PCDHA1: variants seen among roughly 807,000 people sequenced by gnomAD.
PCDHA1 encodes protocadherin alpha 1.
A neutral mutation model predicts 61.3 loss-of-function variants in PCDHA1; 42 were observed. The ratio of observed to expected loss-of-function variants is 0.69; its 90% CI spans 0.54 to 0.89. The LOEUF (loss-of-function observed/expected upper bound fraction) is 0.89. Among genes scored for constraint, PCDHA1 ranks in the 40% least tolerant of loss-of-function variants. PCDHA1 has a pLI of 0.00. For synonymous variants in PCDHA1, 610 were observed against 553.8 expected, an observed-to-expected ratio of 1.10 and a Z score of -1.43; for missense variants, 1,256 against 1,235.3, an observed-to-expected ratio of 1.02 and a Z score of -0.25.
intron 1 of PCDHA1, among the ~76,000 whole-genome samples, chr5:140,833,519 A>G (rs1287157587): frequency 6.6e-6 from 1 of 152,228 alleles, no homozygotes; most frequent in African/African-American, 2.4e-5. Flanking sequence ...GCATATATTC[A>G]TAACACACAA....
At chr5:140,802,997 C>T (rs781934902) in intron 1 of PCDHA1, 3 of 1,613,922 alleles carry the variant, frequency 1.9e-6, no homozygotes, top group African/African-American at 1.3e-5. Context: ...TGGATGCAGA[C>T]TCAGGCTACA....
chr5:140,856,871 G>T, intron 1 of PCDHA1: 1 of 1,595,048 alleles, frequency 6.3e-7, no homozygotes, highest in Non-Finnish European at 8.6e-7. Flanking sequence ...AATAAACAAG[G>T]AAATGATGTA....
intron 1 of PCDHA1, chr5:140,927,432 C>T: frequency 5.6e-6 from 9 of 1,614,124 alleles, no homozygotes; most frequent in Non-Finnish European, 5.9e-6. Flanking sequence ...TTGACGGCAG[C>T]GAATACCCGG....
Position 140,788,065 on chromosome 5 carries a change from C to G in PCDHA1, c.1775C>G (p.Ala592Gly), listed in dbSNP as rs190769137. 5 of 1,613,944 alleles carry G rather than the reference C, an allele frequency of 3.1e-6. No homozygotes were observed. The East Asian group carries it at 8.9e-5, about 29-fold the overall frequency. The change falls in exon 1 of 4, where the codon GCG becomes GGG. Residue 592 changes from alanine (A) to glycine (G), a missense_variant. Transcript: ENST00000504120. ...TTGGTGGGTGCGGGTCATGTGGTGG[C>G]GAAGGTGCGCGCAGTGGACGCCGAC... ...PRLVGAGHVV[A>G]KVRAVDADSG...
chr5:140,788,346 G>A lies in PCDHA1; in HGVS notation c.2056G>A (p.Val686Ile). The A allele has an allele frequency of 1.2e-6, 2 of 1,613,996 alleles. No homozygotes were observed. Among genetic ancestry groups the A allele is most frequent in the Non-Finnish European group, 1.7e-6 (2 of 1,179,966 alleles). The change falls in exon 1 of 4, where the codon GTC (valine) becomes ATC (isoleucine). Residue 686 changes from valine (V) to isoleucine (I), a missense_variant. Coordinates refer to ENST00000504120, the MANE Select transcript of PCDHA1 (RefSeq NM_018900.4). ...GGCGTCTTCGCGGGCGTCGGTGGGT[G>A]TCGCGGGCCCAGAGGCGGCGCTGGT... ...PKASSRASVG[V>I]AGPEAALVDV...
intron 1 of PCDHA1, chr5:140,862,359 CG>C: frequency 3.0e-6 from 1 of 337,856 alleles, no homozygotes; most frequent in Non-Finnish European, 5.8e-6. Flanking sequence ...AAGGGACAGA[CG>C]ACCCGCACCC....
In PCDHA1 at chr5:140,787,284, A is replaced by T. The variant is rs781916702; in HGVS notation, c.994A>T (p.Asn332Tyr). 6.2e-7 allele frequency: 1 copy of T among 1,614,230 alleles called. No individual in the cohort carries two copies. The highest frequency in any genetic ancestry group is 8.5e-7 in the Non-Finnish European group (1 of 1,180,046). The change falls in exon 1 of 4, where the codon AAT (asparagine) becomes TAT (tyrosine). Residue 332 changes from asparagine (N) to tyrosine (Y), a missense_variant. Asn to Tyr is a moderately radical substitution (Grantham distance 143, BLOSUM62 -2). Coordinates refer to ENST00000504120, the MANE Select transcript of PCDHA1 (RefSeq NM_018900.4). The stretch of plus-strand genomic sequence containing the variant: ...TGATAAAGGAAGTCCTCCGATGTCA[A>T]ATCACTGTAAGGTTTTGGTGAAAGT... ...AVDKGSPPMSNHCKVLVKVLD... is the reference protein window; with the variant it reads ...AVDKGSPPMSYHCKVLVKVLD...
Position 141,000,395 on chromosome 5 carries a change from C to CTA in PCDHA1, c.2543-9206_2543-9205dup, listed in dbSNP as rs1190667031. 1.6e-3 allele frequency among the ~76,000 whole-genome samples: 89 copies of CTA among 53,960 alleles called. 3 individuals carry two copies. Among genetic ancestry groups the CTA allele is most frequent in the Non-Finnish European group, 2.3e-3 (71 of 31,108 alleles). 35.4% of individuals were successfully genotyped at this position (53,960 alleles called of 152,430 possible). A position where few individuals can be genotyped will look rare whatever the true frequency, so the allele number is the denominator to read the frequency against. ...TCTCTCTCTCTCTCTCTCTCTCTCT[C>CTA]TATATATATATATATATATATATAT... On this transcript the variant is annotated intron_variant, in intron 3 of 3. Coordinates refer to ENST00000504120, the MANE Select transcript of PCDHA1 (RefSeq NM_018900.4).
intron 1 of PCDHA1, chr5:140,835,770 T>G: frequency 6.2e-7 from 1 of 1,613,258 alleles, no homozygotes; most frequent in Non-Finnish European, 8.5e-7. Flanking sequence ...GTATACGGTG[T>G]TCGTGAAGGA....
intron 1 of PCDHA1, among the ~76,000 whole-genome samples, chr5:140,972,866 G>A (rs1010114234): frequency 6.6e-6 from 1 of 152,046 alleles, no homozygotes; most frequent in Non-Finnish European, 1.5e-5. Context: ...GTTTCATCAT[G>A]TTGTCCAGGA....
chr5:140,876,286 G>C (rs782471001), intron 1 of PCDHA1: 14 of 1,614,040 alleles, frequency 8.7e-6, no homozygotes, highest in Non-Finnish European at 1.0e-5. Context: ...TCCAGACGAA[G>C]GACTTAATGG....
In PCDHA1 at chr5:140,787,844, C is replaced by T. The variant is rs782115801; in HGVS notation, c.1554C>T (p.Tyr518=). ...VSVHAESGKV[Y]ALQPLDHEEL... is the part of the protein sequence containing the mutation. ...TGCACGCGGAGAGCGGCAAGGTGTA[C>T]GCACTGCAGCCCCTGGACCACGAGG... Residue 518 remains tyrosine, a synonymous_variant, in exon 1 of 4, where the codon TAC becomes TAT. Coordinates refer to ENST00000504120, the MANE Select transcript of PCDHA1 (RefSeq NM_018900.4). 4.9e-5 allele frequency: 79 copies of T among 1,612,578 alleles called. No homozygotes were observed. Among genetic ancestry groups the T allele is most frequent in the Middle Eastern group, 3.8e-4 (2 of 5,236 alleles).
intron 1 of PCDHA1, chr5:140,830,589 T>C (rs1025294463): frequency 8.4e-5 from 61 of 722,306 alleles, no homozygotes; most frequent in Non-Finnish European, 1.2e-4. Context: ...TAATTAATTT[T>C]ACAAAATTAC....
intron 1 of PCDHA1, chr5:140,877,117 G>C: frequency 6.2e-7 from 1 of 1,613,720 alleles, no homozygotes; most frequent in Non-Finnish European, 8.5e-7. Flanking sequence ...GGGCAGCAAC[G>C]TGACGCTGCA....
rs782428820 is a variant in PCDHA1 at position 140,786,941 on chromosome 5, G to A, written c.651G>A (p.Gly217=). The change falls in exon 1 of 4, where the codon GGG becomes GGA. Residue 217 remains glycine (G), a synonymous_variant. Transcript: ENST00000504120. ...ACTTATTACTGACTGCCACTGATGG[G>A]GGCAAACCGGAGCTGCAAGGTACAG... The part of the protein sequence containing the change: ...ELHLLLTATD[G]GKPELQGTVE... 45 of 1,613,980 alleles carry A rather than the reference G, an allele frequency of 2.8e-5. No homozygotes were observed. The highest frequency in any genetic ancestry group is 3.7e-5 in the Non-Finnish European group (44 of 1,180,030).
intron 1 of PCDHA1, chr5:140,795,440 A>G: frequency 1.2e-6 from 2 of 1,614,186 alleles, no homozygotes; most frequent in Non-Finnish European, 8.5e-7. Context: ...GGAGCATCTG[A>G]TGCAGATATA....
Position 140,806,850 on chromosome 5 carries a change from T to C in PCDHA1, c.2394+18166T>C, listed in dbSNP as rs140984861. Reference sequence around the variant, plus strand: ...GAAACTAAGGACCACACTCAATCAATCAGTGGTACAATGTGTACCACAGTA... The same window carrying C: ...GAAACTAAGGACCACACTCAATCAACCAGTGGTACAATGTGTACCACAGTA... On this transcript the variant is annotated intron_variant, in intron 1 of 3. Transcript: ENST00000504120. 367 of 286,378 alleles carry C rather than the reference T, an allele frequency of 1.3e-3. 1 individual carries two copies. Among genetic ancestry groups the C allele is most frequent in the African/African-American group, 7.2e-3 (332 of 46,362 alleles). 17.7% of individuals were successfully genotyped at this position (286,378 alleles called of 1,614,324 possible).
chr5:140,807,090 A>T, intron 1 of PCDHA1: 1 of 1,361,346 alleles, frequency 7.3e-7, no homozygotes, highest in Non-Finnish European at 1.0e-6. Context: ...TGGAGTCTGA[A>T]ATATGGAGGA....
rs781876036 is a variant in PCDHA1 at position 140,857,534 on chromosome 5, C to T, written c.2394+68850C>T. The T allele has an allele frequency of 1.3e-5, 20 of 1,597,344 alleles. 2 individuals are homozygous for T. The highest frequency in any genetic ancestry group is 1.5e-5 in the Non-Finnish European group (18 of 1,167,750). On this transcript the variant is annotated intron_variant, in intron 1 of 3. Transcript: ENST00000504120. ...CCTGGTGTCCTACTCTCTGGTGGAG[C>T]GGCGGTTGGGCGAGCGCTCGCTGTC...
Sources: gnomAD v4.1 joint callset for allele counts (sites outside exome capture counted in the v4.1 genomes callset) on GRCh38, gnomAD v4.1.1 for gene constraint, MANE v1.5 for transcripts, NCBI Gene and HGNC (gene_info 2026-07-23, HGNC 2026-07-21) for gene names.